Variants in MYLK observed in about 807,000 individuals in gnomAD.
MYLK encodes the protein myosin light chain kinase, smooth muscle.
Under a neutral mutation model 203.4 loss-of-function variants are expected in MYLK, and 106 were observed. That is an observed-to-expected ratio of 0.52 (90% CI 0.45 to 0.61). The LOEUF (loss-of-function observed/expected upper bound fraction) is 0.61. MYLK is among the 20% of genes least tolerant of loss of function. MYLK has a pLI of 0.00. For missense variants in MYLK, 2,072 were observed against 2,442.3 expected, an observed-to-expected ratio of 0.85 and a Z score of 3.20; for synonymous variants, 867 against 959.5, an observed-to-expected ratio of 0.90 and a Z score of 1.78.
chr3:123,718,352 G>C (rs189753685), intron 13 of MYLK, among the ~76,000 whole-genome samples: 2 of 152,284 alleles, frequency 1.3e-5, no homozygotes, highest in Admixed American at 6.5e-5. Context: ...ACAGTATGAC[G>C]TGATCCCTCC....
intron 19 of MYLK, chr3:123,689,676 G>C (rs934587597): frequency 9.2e-5 from 14 of 152,216 alleles, no homozygotes; most frequent in African/African-American, 2.4e-5. Context: ...AAGAGTCTCT[G>C]GCCAGGACAG....
At position 123,737,427 on chromosome 3, in the gene MYLK, C is replaced by T; in HGVS notation, c.705G>A (p.Val235=). 1 of 1,614,154 alleles carries T rather than the reference C, an allele frequency of 6.2e-7. No individual in the cohort carries two copies. The highest frequency in any genetic ancestry group is 1.1e-5 in the South Asian group (1 of 91,062). Residue 235 remains valine (V), a synonymous_variant, in exon 8 of 34, where the codon GTG becomes GTA. Coordinates refer to ENST00000360304, the MANE Select transcript of MYLK (RefSeq NM_053025.4). ...TCGAGGCCTTCCCCGACCCGTTCAC[C>T]ACCAGGCACGTGTACACTCCCACGT... The part of the protein sequence containing the change: ...QDDVGVYTCL[V]VNGSGKASMS...
intron 3 of MYLK, among the ~76,000 whole-genome samples, chr3:123,814,536 T>C (rs1241099435): frequency 6.6e-6 from 1 of 152,244 alleles, no homozygotes; most frequent in Non-Finnish European, 1.5e-5. Flanking sequence ...TATAATTTTC[T>C]GTAATATTTT....
intron 23 of MYLK, among the ~76,000 whole-genome samples, chr3:123,661,037 C>T (rs575145246): frequency 6.6e-6 from 1 of 152,300 alleles, no homozygotes; most frequent in South Asian, 2.1e-4. Flanking sequence ...CTCGGTTCTC[C>T]TCCATTCCAT....
chr3:123,791,946 G>A (rs2064799483), intron 4 of MYLK, among the ~76,000 whole-genome samples: 1 of 152,130 alleles, frequency 6.6e-6, no homozygotes, highest in African/African-American at 2.4e-5. Flanking sequence ...CCACCCCTGT[G>A]GGCCAGAAAT....
At chr3:123,655,114 C>T (rs2059353019) in intron 24 of MYLK, among the ~76,000 whole-genome samples, 1 of 152,148 alleles carries the variant, frequency 6.6e-6, no homozygotes, top group Non-Finnish European at 1.5e-5. Flanking sequence ...TCCATTTATT[C>T]CTTAACCAGG....
At chr3:123,725,772 C>T (rs2062256377) in intron 12 of MYLK, among the ~76,000 whole-genome samples, 172 bp downstream of exon 12, 1 of 152,226 alleles carries the variant, frequency 6.6e-6, no homozygotes, top group African/African-American at 2.4e-5. Context: ...GTAACTTGCT[C>T]AGCCAGTCGG....
intron 3 of MYLK, among the ~76,000 whole-genome samples, chr3:123,822,199 TG>T (rs1267166670): frequency 6.6e-6 from 1 of 152,172 alleles, no homozygotes; most frequent in African/African-American, 2.4e-5. Context: ...ATAAATTACC[TG>T]GTTTGTGATA....
intron 4 of MYLK, among the ~76,000 whole-genome samples, chr3:123,769,288 T>C (rs914293071): frequency 6.6e-6 from 1 of 152,202 alleles, no homozygotes; most frequent in Non-Finnish European, 1.5e-5. Flanking sequence ...CCAAGCATAT[T>C]TGGATAACTT....
rs114739537 is a variant in MYLK at position 123,658,602 on chromosome 3, A to T, written c.3986-1174T>A. Among the ~76,000 whole-genome samples, 163 of 152,280 alleles carry T rather than the reference A, an allele frequency of 1.1e-3. 1 individual carries two copies. Among genetic ancestry groups the T allele is most frequent in the African/African-American group, 3.6e-3 (150 of 41,546 alleles). ...CTTTTAAGCTATGTCAACCCCAGCA[A>T]ATTTGAAACTGGTTTGTTTGCCTGG... On this transcript the variant is annotated intron_variant, in intron 23 of 33. Transcript: ENST00000360304.
chr3:123,719,633 A>T (rs1405255730), intron 13 of MYLK, among the ~76,000 whole-genome samples: 38 of 152,216 alleles, frequency 2.5e-4, no homozygotes, highest in Admixed American at 2.5e-3. Context: ...TGAGGTCTGG[A>T]ATGCTAAAAC....
intron 20 of MYLK, chr3:123,681,218 C>T (rs1414700814): frequency 6.6e-6 from 1 of 152,168 alleles, no homozygotes; most frequent in Non-Finnish European, 1.5e-5. Flanking sequence ...GGACCCTACG[C>T]ATGGTGCCTA....
intron 33 of MYLK, chr3:123,616,967 C>A (rs529042769): frequency 3.9e-5 from 6 of 152,234 alleles, no homozygotes; most frequent in African/African-American, 1.2e-4. Context: ...CATAAGAAAT[C>A]AAGAATTCTA....
Position 123,667,155 on chromosome 3 carries a change from T to A in MYLK, c.3685A>T (p.Lys1229Ter). 6.2e-7 allele frequency: 1 copy of A among 1,614,124 alleles called. No homozygotes were observed. Among genetic ancestry groups the A allele is most frequent in the Non-Finnish European group, 8.5e-7 (1 of 1,180,024 alleles). The change falls in exon 21 of 34, where the codon AAG (lysine) becomes TAG (stop). Residue 1229 changes from lysine to a stop codon, truncating the protein, a stop_gained. Coordinates refer to ENST00000360304, the MANE Select transcript of MYLK (RefSeq NM_053025.4). LOFTEE classifies it high-confidence loss of function. ...CAATTACCTGCCTTCGGAGGTGTCT[T>A]GGGGGCAGGTTTCTTTTTCACAGTC... ...DATVKKKPAP[K>*]TPPKAAMPPQ...
chr3:123,662,053 A>G (rs879892713), intron 23 of MYLK, among the ~76,000 whole-genome samples: 1 of 152,216 alleles, frequency 6.6e-6, no homozygotes, highest in Admixed American at 6.5e-5. Flanking sequence ...GCTGAAGGGA[A>G]GTGCTACAGG....
At chr3:123,638,386 A>T (rs964981416) in intron 28 of MYLK, among the ~76,000 whole-genome samples, 192 bp from the exon 29 acceptor site, 3 of 151,646 alleles carry the variant, frequency 2.0e-5, no homozygotes, top group African/African-American at 7.3e-5. Context: ...AAACCAACAA[A>T]CCTCACACTC....
chr3:123,878,148 T>C (rs1245353440), intron 1 of MYLK, among the ~76,000 whole-genome samples: 2 of 152,146 alleles, frequency 1.3e-5, no homozygotes, highest in Non-Finnish European at 2.9e-5. Context: ...CCACAGCTGG[T>C]GACCTCCAGG....
intron 22 of MYLK, among the ~76,000 whole-genome samples, chr3:123,665,741 A>G (rs1052365914): frequency 2.0e-5 from 3 of 152,252 alleles, no homozygotes; most frequent in African/African-American, 7.2e-5. Context: ...GTCAGACACA[A>G]TTCTATTTAT....
intron 1 of MYLK, among the ~76,000 whole-genome samples, chr3:123,878,154 C>T (rs767961941): frequency 6.6e-5 from 10 of 152,146 alleles, no homozygotes; most frequent in Non-Finnish European, 1.5e-4. Flanking sequence ...CTGGTGACCT[C>T]CAGGAGCACA....
Sources: allele counts gnomAD v4.1 joint callset (sites outside exome capture counted in the v4.1 genomes callset), GRCh38; gene constraint gnomAD v4.1.1; transcripts MANE v1.5; gene names NCBI Gene and HGNC (gene_info 2026-07-23, HGNC 2026-07-21).